Variants in PLXNA1 observed in about 807,000 individuals in gnomAD.
The protein encoded by PLXNA1 is plexin-A1.
In PLXNA1, 77 loss-of-function variants were observed where a neutral mutation model predicts 191.7. The observed-to-expected ratio is 0.40, with a 90% CI of 0.33 to 0.49. The LOEUF (loss-of-function observed/expected upper bound fraction) is 0.49, where lower values mean the gene tolerates loss of function less well. Among genes scored for constraint, PLXNA1 ranks in the 20% least tolerant of loss-of-function variants. The pLI is 0.63. For missense variants in PLXNA1, 2,110 were observed against 2,660.2 expected, an observed-to-expected ratio of 0.79 and a Z score of 4.55; for synonymous variants, 1,137 against 1,156.4, an observed-to-expected ratio of 0.98 and a Z score of 0.34.
chr3:127,001,741 G>A (rs1022922908), intron 3 of PLXNA1, among the ~76,000 whole-genome samples: 10 of 152,218 alleles, frequency 6.6e-5, no homozygotes, highest in African/African-American at 2.4e-4. Flanking sequence ...TGATTGCTGT[G>A]GGCCTGGCCA....
At chr3:127,030,510 G>T (rs755889596) in intron 29 of PLXNA1, 98 bp downstream of exon 29, 2 of 1,455,162 alleles carry the variant, frequency 1.4e-6, no homozygotes, top group African/African-American at 1.4e-5. Context: ...CCCACTTGGG[G>T]CTCCCTGGCG....
At chr3:127,012,210 A>G (rs574923539) in intron 10 of PLXNA1, 52 bp downstream of exon 10, 83 of 1,561,918 alleles carry the variant, frequency 5.3e-5, no homozygotes, top group Non-Finnish European at 7.0e-5. Flanking sequence ...TGGGCCGGTT[A>G]TCCTCACGGC....
chr3:127,002,692 A>G (rs892990727), intron 3 of PLXNA1, among the ~76,000 whole-genome samples: 14 of 152,244 alleles, frequency 9.2e-5, no homozygotes, highest in Non-Finnish European at 1.3e-4. Context: ...TGTTAATTAA[A>G]TACATTTGTT....
At position 127,032,686 on chromosome 3, in the gene PLXNA1, G is replaced by A. The variant is rs767819915; in HGVS notation, c.5445G>A (p.Arg1815=). The A allele has an allele frequency of 2.5e-6, 4 of 1,613,038 alleles. No homozygotes were observed. In the African/African-American group the frequency reaches 5.3e-5, roughly 22 times the overall value. ...DIPNYKSWVE[R]YYADIAKMPA... is the part of the protein sequence containing the mutation. ...TGCCCACCTGGCCACTCACCTGCAG[G>A]TACTATGCAGACATCGCCAAGATGC... The change falls in exon 31 of 32, where the codon AGG becomes AGA. Residue 1815 remains arginine, a splice_region_variant and synonymous_variant. Coordinates refer to ENST00000393409, the MANE Select transcript of PLXNA1 (RefSeq NM_032242.4).
In PLXNA1 at chr3:127,016,593, A is replaced by G. The variant is rs1235677629; in HGVS notation, c.3091A>G (p.Asn1031Asp). Residue 1031 changes from asparagine to aspartate, a missense_variant, in exon 16 of 32, where the codon AAC becomes GAC. By Grantham distance (23) the Asn-to-Asp change is conservative (BLOSUM62 1). Transcript: ENST00000393409. The stretch of plus-strand genomic sequence containing the variant: ...CAGCGCTCCCATCATCATCAACATC[A>G]ACCGCGCCCAGCTCACCAACCCTGA... ...PGSAPIIINI[N>D]RAQLTNPEVK... is the part of the protein sequence containing the mutation. 1 of 1,611,058 alleles carries G rather than the reference A, an allele frequency of 6.2e-7. No homozygotes were observed. The highest frequency in any genetic ancestry group is 1.3e-5 in the African/African-American group (1 of 74,828).
chr3:127,027,608 AGACTTCTGGGTGAAATAGGCCTC>A (rs1323009308), intron 23 of PLXNA1: 1 of 481,616 alleles, frequency 2.1e-6, no homozygotes, highest in Non-Finnish European at 4.1e-6. Flanking sequence ...AGACCAGGGG[AGACTTCTGGGTGAAATAGGCCTC>A]GGCCCTCCCT....
intron 31 of PLXNA1, among the ~76,000 whole-genome samples, chr3:127,033,643 C>T (rs2079223831): frequency 6.6e-6 from 1 of 152,118 alleles, no homozygotes; most frequent in African/African-American, 2.4e-5. Flanking sequence ...CACAGAAACC[C>T]CAGGGTGTGA....
At chr3:126,991,811 G>T (rs1015949159) in intron 3 of PLXNA1, among the ~76,000 whole-genome samples, 1 of 152,172 alleles carries the variant, frequency 6.6e-6, no homozygotes, top group Non-Finnish European at 1.5e-5. Context: ...CCACGCAGGA[G>T]CCTGTGCAGG....
At chr3:127,029,168 T>A in intron 26 of PLXNA1, 72 bp downstream of exon 26, 1 of 1,233,906 alleles carries the variant, frequency 8.1e-7, no homozygotes, top group Non-Finnish European at 1.2e-6. Flanking sequence ...GCCACCAATG[T>A]TTGCAGCATG....
intron 2 of PLXNA1, among the ~76,000 whole-genome samples, chr3:126,990,811 T>A (rs1162919415): frequency 6.6e-6 from 1 of 152,214 alleles, no homozygotes; most frequent in Admixed American, 6.5e-5. Context: ...GTGTTTTCTC[T>A]GCACCATACA....
intron 3 of PLXNA1, among the ~76,000 whole-genome samples, chr3:126,995,682 G>A (rs2079011881): frequency 6.6e-6 from 1 of 152,250 alleles, no homozygotes; most frequent in Non-Finnish European, 1.5e-5. Context: ...CGTTGTAAGA[G>A]AGTATAACAG....
chr3:127,013,326 G>A (rs574886671), intron 10 of PLXNA1, among the ~76,000 whole-genome samples: 35 of 151,638 alleles, frequency 2.3e-4, no homozygotes, highest in Non-Finnish European at 3.8e-4. Flanking sequence ...CGGGAGTATC[G>A]GGGAATTTGA....
In PLXNA1 at chr3:126,988,698, G is replaced by T; in HGVS notation, c.105G>T (p.Gly35=). Residue 35 remains glycine (G), a synonymous_variant, in exon 2 of 32, where the codon GGG becomes GGT. Transcript: ENST00000393409. The part of the protein sequence containing the change: ...WAEAGLPRAG[G]GSQPPFRTFS... ...AGGCAGGCTTGCCCAGGGCAGGCGG[G>T]GGTTCACAGCCCCCCTTCCGCACCT... is the stretch of plus-strand genomic sequence containing the variant. The T allele has an allele frequency of 6.4e-7, 1 of 1,574,510 alleles. No individual in the cohort carries two copies. Among genetic ancestry groups the T allele is most frequent in the South Asian group, 1.2e-5 (1 of 83,698 alleles).
Position 127,018,304 on chromosome 3 carries a change from G to A in PLXNA1, c.3671G>A (p.Gly1224Asp), listed in dbSNP as rs1367477690. 6.2e-7 allele frequency: 1 copy of A among 1,602,868 alleles called. No homozygotes were observed. The highest frequency in any genetic ancestry group is 8.5e-7 in the Non-Finnish European group (1 of 1,174,974). Residue 1224 changes from glycine (G) to aspartate (D), a missense_variant, in exon 20 of 32, where the codon GGT becomes GAT. By Grantham distance (94) the Gly-to-Asp change is moderately conservative. Coordinates refer to ENST00000393409, the MANE Select transcript of PLXNA1 (RefSeq NM_032242.4). The stretch of plus-strand genomic sequence containing the variant: ...TCCACCCACTGGCAGGTGCGGGCAG[G>A]TGGCTTCGAGTTCTCGCCAGGGACA... ...TGQHKVTVRAGGFEFSPGTLQ... is the reference protein window; with the variant it reads ...TGQHKVTVRADGFEFSPGTLQ...
At chr3:126,991,724 AC>A (rs1458507511) in intron 3 of PLXNA1, among the ~76,000 whole-genome samples, 158 bp downstream of exon 3, 1 of 152,022 alleles carries the variant, frequency 6.6e-6, no homozygotes, top group Non-Finnish European at 1.5e-5. Flanking sequence ...AGGCCCAGTG[AC>A]CTTGAAGGGC....
At chr3:127,003,254 CT>C in intron 3 of PLXNA1, 75 bp from the exon 4 acceptor site, 1 of 1,481,534 alleles carries the variant, frequency 6.7e-7, no homozygotes, top group Non-Finnish European at 9.0e-7. Flanking sequence ...CTTTAGACCC[CT>C]GACCTTCTGT....
chr3:127,017,347 A>G, intron 17 of PLXNA1, 78 bp from the exon 18 acceptor site: 1 of 1,536,036 alleles, frequency 6.5e-7, no homozygotes, highest in Non-Finnish European at 8.8e-7. Flanking sequence ...GGCAGCCCCC[A>G]GGCCAGGGGC....
chr3:127,030,330 T>C lies in PLXNA1; in HGVS notation c.5149T>C (p.Tyr1717His). 3.7e-6 allele frequency: 6 copies of C among 1,614,002 alleles called. No individual in the cohort carries two copies. Among genetic ancestry groups the C allele is most frequent in the Non-Finnish European group, 5.1e-6 (6 of 1,180,014 alleles). Residue 1717 changes from tyrosine to histidine, a missense_variant, in exon 29 of 32, where the codon TAC (tyrosine) becomes CAC (histidine). This residue lies in a region of PLXNA1 where 559 missense variants were observed against 911.5 expected (regional missense o/e 0.61). Transcript: ENST00000393409. Reference sequence around the variant, plus strand: ...CTCAGCCCTGCCGCTGGCCATCAAGTACATGTTCGACTTCCTGGATGAGCA... The same window carrying C: ...CTCAGCCCTGCCGCTGGCCATCAAGCACATGTTCGACTTCCTGGATGAGCA... ...RGSALPLAIK[Y>H]MFDFLDEQAD... is the part of the protein sequence containing the mutation.
At chr3:127,014,872 T>C in intron 14 of PLXNA1, 41 bp downstream of exon 14, 3 of 1,595,984 alleles carry the variant, frequency 1.9e-6, no homozygotes, top group Non-Finnish European at 2.6e-6. Flanking sequence ...TCTCTGCTGC[T>C]CTGAGAGGGT....
Sources: gnomAD v4.1 joint callset for allele counts (sites outside exome capture counted in the v4.1 genomes callset) on GRCh38, gnomAD v4.1.1 for gene constraint, gnomAD v4.1.1 regional missense constraint, MANE v1.5 for transcripts, NCBI Gene and HGNC (gene_info 2026-07-23, HGNC 2026-07-21) for gene names.